Variants in ATP8A2 observed in about 807,000 individuals in gnomAD.
ATP8A2 encodes phospholipid-transporting ATPase IB.
In ATP8A2, 100 loss-of-function variants were observed where a neutral mutation model predicts 165.6. That is an observed-to-expected ratio of 0.60 (90% CI 0.51 to 0.71). ATP8A2 has a LOEUF of 0.71. Ranked by LOEUF, ATP8A2 falls within the 30% of genes least tolerant of loss-of-function variation. The probability of loss-of-function intolerance (pLI) is 0.00; values close to 1 mark genes in which losing one functional copy is unlikely to be tolerated. For synonymous variants in ATP8A2, 543 were observed against 548.8 expected (o/e 0.99, Z 0.15); for missense variants, 1,227 against 1,479.5 (o/e 0.83, Z 2.80).
chr13:25,922,194 G>A lies in ATP8A2; in HGVS notation c.3184-39381G>A, dbSNP rs181658416. On this transcript the variant is annotated intron_variant, in intron 33 of 36. Coordinates refer to ENST00000381655, the MANE Select transcript of ATP8A2 (RefSeq NM_016529.6). ...GGTCCATCATCCTAATCAGTAACAC[G>A]CAATTTCAAAAAATCTCTGTGGTCA... Among the ~76,000 whole-genome samples, 76 of 152,088 alleles carry A rather than the reference G, an allele frequency of 5.0e-4. 1 individual carries two copies. Among genetic ancestry groups the A allele is most frequent in the Admixed American group, 3.3e-3 (50 of 15,282 alleles).
At chr13:25,414,453 A>G (rs990489741) in intron 1 of ATP8A2, among the ~76,000 whole-genome samples, 1 of 152,234 alleles carries the variant, frequency 6.6e-6, no homozygotes, top group Non-Finnish European at 1.5e-5. Flanking sequence ...TGGCCTCCCA[A>G]AGTGCCGGGA....
At chr13:25,891,620 G>C (rs902673853) in intron 33 of ATP8A2, among the ~76,000 whole-genome samples, 2 of 152,098 alleles carry the variant, frequency 1.3e-5, no homozygotes, top group Non-Finnish European at 2.9e-5. Context: ...CACTGTGCCC[G>C]GCCAGATCTG....
chr13:25,556,524 G>T (rs776616619), intron 13 of ATP8A2, among the ~76,000 whole-genome samples: 2 of 151,948 alleles, frequency 1.3e-5, no homozygotes, highest in Non-Finnish European at 1.5e-5. Context: ...GACCTTTGTC[G>T]GATGTATAAT....
intron 33 of ATP8A2, 70 bp downstream of exon 33, chr13:25,862,478 G>A: frequency 5.8e-6 from 7 of 1,202,028 alleles, no homozygotes; most frequent in Non-Finnish European, 8.7e-6. Flanking sequence ...GGGCGGGTGA[G>A]CAGGCACTGT....
At chr13:25,981,718 A>G (rs1311192339) in intron 35 of ATP8A2, among the ~76,000 whole-genome samples, 1 of 152,212 alleles carries the variant, frequency 6.6e-6, no homozygotes, top group Non-Finnish European at 1.5e-5. Flanking sequence ...AATAGTAAAC[A>G]GCACTGTAAT....
intron 24 of ATP8A2, among the ~76,000 whole-genome samples, chr13:25,674,267 C>CCCCG (rs2042326601): frequency 6.6e-6 from 1 of 150,794 alleles, no homozygotes; most frequent in African/African-American, 2.5e-5. Flanking sequence ...CAGATGTGTC[C>CCCCG]CCCCCCGAAA....
intron 33 of ATP8A2, among the ~76,000 whole-genome samples, chr13:25,879,470 T>C (rs1428613381): frequency 2.0e-5 from 3 of 152,164 alleles, no homozygotes; most frequent in Non-Finnish European, 4.4e-5. Context: ...ATAGAATATA[T>C]GAAAAAGCCG....
intron 1 of ATP8A2, among the ~76,000 whole-genome samples, chr13:25,441,346 T>C (rs1308967442): frequency 6.6e-6 from 1 of 152,240 alleles, no homozygotes; most frequent in African/African-American, 2.4e-5. Flanking sequence ...TGTCAAGAGG[T>C]ATTGCTTTTG....
At chr13:25,559,092 A>T (rs369840254) in intron 14 of ATP8A2, 31 bp downstream of exon 14, 1 of 1,415,816 alleles carries the variant, frequency 7.1e-7, no homozygotes, top group Non-Finnish European at 9.8e-7. Context: ...CTGAAAATTT[A>T]CTTGTATTCT....
intron 24 of ATP8A2, among the ~76,000 whole-genome samples, chr13:25,678,590 C>A (rs115096563): frequency 0.011 from 1,726 of 152,220 alleles, 30 homozygotes; most frequent in African/African-American, 0.039. Context: ...AGGGAGCCAG[C>A]TCTGCAACAC....
chr13:25,544,350 C>T (rs2038577035), intron 10 of ATP8A2, among the ~76,000 whole-genome samples: 1 of 152,204 alleles, frequency 6.6e-6, no homozygotes, highest in Non-Finnish European at 1.5e-5. Flanking sequence ...GTGGCAGAAG[C>T]ACATTTTAGA....
At chr13:25,377,385 G>A (rs1290927601) in intron 1 of ATP8A2, among the ~76,000 whole-genome samples, 1 of 152,172 alleles carries the variant, frequency 6.6e-6, no homozygotes, top group African/African-American at 2.4e-5. Flanking sequence ...ATTATCAAGG[G>A]CAAACACAGA....
intron 30 of ATP8A2, among the ~76,000 whole-genome samples, chr13:25,842,812 T>TA (rs1237083291): frequency 6.6e-6 from 1 of 151,918 alleles, no homozygotes; most frequent in Non-Finnish European, 1.5e-5. Context: ...AACTGGGACT[T>TA]AACTGTTTAG....
In ATP8A2 at chr13:25,513,926, C is replaced by G. The variant is rs569437558; in HGVS notation, c.222-16073C>G. On this transcript the variant is annotated intron_variant, in intron 2 of 36. Transcript: ENST00000381655. ...GGAGCAGTAAAGTCCAGCTTTGGCT[C>G]GGCATCAGAGGGAGACCGTGGAAAG... Among the ~76,000 whole-genome samples the G allele has an allele frequency of 7.4e-4, 101 of 136,406 alleles. 1 individual carries two copies. Among genetic ancestry groups the G allele is most frequent in the African/African-American group, 2.6e-3 (97 of 37,462 alleles). 89.5% of individuals were successfully genotyped at this position (136,406 alleles called of 152,430 possible).
At chr13:25,720,167 C>CTTTT (rs1007404557) in intron 25 of ATP8A2, among the ~76,000 whole-genome samples, 5 of 117,262 alleles carry the variant, frequency 4.3e-5, no homozygotes, top group South Asian at 5.3e-4. Context: ...TATACTTTTT[C>CTTTT]TTTTTTTTTT....
intron 1 of ATP8A2, among the ~76,000 whole-genome samples, chr13:25,429,067 T>C (rs1028017167): frequency 1.3e-5 from 2 of 151,784 alleles, no homozygotes; most frequent in African/African-American, 4.8e-5. Flanking sequence ...GAGAGTTAAG[T>C]CTAAAGAAAT....
intron 36 of ATP8A2, among the ~76,000 whole-genome samples, chr13:26,016,741 T>C (rs1566356255): frequency 3.9e-5 from 6 of 152,176 alleles, no homozygotes. Flanking sequence ...GACCCTTTCT[T>C]TTCTGACGTG....
At chr13:25,586,843 C>G (rs35142115) in intron 23 of ATP8A2, among the ~76,000 whole-genome samples, 54,281 of 151,986 alleles carry the variant, frequency 0.36, 11,379 homozygotes, top group Middle Eastern at 0.51. Context: ...AGAGAGCTGA[C>G]AGATTTGGTT....
At chr13:25,730,117 C>T (rs534799254) in intron 25 of ATP8A2, among the ~76,000 whole-genome samples, 18 of 152,132 alleles carry the variant, frequency 1.2e-4, no homozygotes, top group African/African-American at 3.9e-4. Context: ...TGGTGTAACC[C>T]CATCTCTACA....
Sources: allele counts gnomAD v4.1 joint callset (sites outside exome capture counted in the v4.1 genomes callset), GRCh38; gene constraint gnomAD v4.1.1; transcripts MANE v1.5; gene names NCBI Gene and HGNC (gene_info 2026-07-23, HGNC 2026-07-21).